ATP2B2: variants seen among roughly 807,000 people sequenced by gnomAD.
The protein encoded by ATP2B2 is ATPase plasma membrane Ca2+ transporting 2.
A neutral mutation model predicts 120.0 loss-of-function variants in ATP2B2; 15 were observed. The observed-to-expected ratio is 0.12, with a 90% confidence interval of 0.08 to 0.19. The LOEUF is 0.19. ATP2B2 is among the 10% of genes least tolerant of loss of function. The pLI, the probability that ATP2B2 is intolerant of heterozygous loss-of-function variation, is 1.00. For missense variants in ATP2B2, 1,045 were observed against 1,719.8 expected (o/e 0.61, Z 6.94); for synonymous variants, 694 against 700.3 (o/e 0.99, Z 0.14).
chr3:10,463,592 T>C (rs2064595759), intron 1 of ATP2B2, among the ~76,000 whole-genome samples: 1 of 152,166 alleles, frequency 6.6e-6, no homozygotes, highest in African/African-American at 2.4e-5. Context: ...GGTCACGTAA[T>C]TGTTGGATTG....
At chr3:10,331,830 G>C in intron 22 of ATP2B2, 1 of 644,058 alleles carries the variant, frequency 1.6e-6, no homozygotes. Context: ...GGAACAGGGA[G>C]ACCCATGCCC....
At chr3:10,577,481 C>T (rs2068280309) in intron 2 of ATP2B2, among the ~76,000 whole-genome samples, 1 of 152,212 alleles carries the variant, frequency 6.6e-6, no homozygotes, top group South Asian at 2.1e-4. Context: ...CCAAGGCCAT[C>T]AGGGGATCCC....
intron 2 of ATP2B2, among the ~76,000 whole-genome samples, chr3:10,576,092 C>T (rs542910533): frequency 6.6e-6 from 1 of 152,326 alleles, no homozygotes; most frequent in East Asian, 1.9e-4. Context: ...TGCCTAGGCC[C>T]TACAGCTAGT....
chr3:10,616,911 T>G (rs2069404362), intron 2 of ATP2B2, among the ~76,000 whole-genome samples: 2 of 152,248 alleles, frequency 1.3e-5, no homozygotes, highest in South Asian at 4.1e-4. Flanking sequence ...TACTTCTGTT[T>G]TTGTCTACCT....
chr3:10,568,593 G>C (rs2068059223), intron 2 of ATP2B2, among the ~76,000 whole-genome samples: 1 of 152,190 alleles, frequency 6.6e-6, no homozygotes, highest in Non-Finnish European at 1.5e-5. Flanking sequence ...AGCTATTTAT[G>C]GTTTTCACTG....
At chr3:10,506,745 CAG>C (rs1396533055), upstream of ATP2B2, among the ~76,000 whole-genome samples, 3 of 152,118 alleles carry the variant, frequency 2.0e-5, no homozygotes, top group Non-Finnish European at 2.9e-5. Flanking sequence ...GCATGGGGGA[CAG>C]GGGCAGGGCT....
At chr3:10,471,974 G>A (rs899198547) in intron 1 of ATP2B2, among the ~76,000 whole-genome samples, 13 of 151,340 alleles carry the variant, frequency 8.6e-5, no homozygotes, top group East Asian at 7.8e-4. Context: ...CCAGCTACTC[G>A]GGAGGCTGAG....
intron 5 of ATP2B2, among the ~76,000 whole-genome samples, chr3:10,392,564 A>G (rs1488398498): frequency 1.3e-5 from 2 of 152,236 alleles, no homozygotes; most frequent in African/African-American, 2.4e-5. Context: ...ACAGGGGCAG[A>G]GGTGGGAACC....
At chr3:10,610,102 C>CACACAT (rs1553638991) in intron 2 of ATP2B2, among the ~76,000 whole-genome samples, 2 of 130,688 alleles carry the variant, frequency 1.5e-5, no homozygotes, top group African/African-American at 6.3e-5. Context: ...CACACACACA[C>CACACAT]ATATATACAC....
intron 3 of ATP2B2, among the ~76,000 whole-genome samples, chr3:10,512,464 G>GCGCGCGCGCGCACACACACACACACACA (rs749056818): frequency 7.3e-6 from 1 of 136,922 alleles, no homozygotes. Context: ...AAGTGTGTGC[G>GCGCGCGCGCGCACACACACACACACACA]CACACACACA....
At chr3:10,553,058 A>G (rs1014558771) in intron 2 of ATP2B2, among the ~76,000 whole-genome samples, 1 of 152,242 alleles carries the variant, frequency 6.6e-6, no homozygotes, top group Non-Finnish European at 1.5e-5. Context: ...CAATGGGAAT[A>G]TATTAAAATC....
intron 3 of ATP2B2, among the ~76,000 whole-genome samples, chr3:10,517,510 A>C (rs1040868033): frequency 6.6e-6 from 1 of 152,240 alleles, no homozygotes; most frequent in East Asian, 1.9e-4. Flanking sequence ...CCTTCAGCCT[A>C]TAACACTATG....
At chr3:10,386,563 A>C (rs577634908) in intron 6 of ATP2B2, 51 bp from the exon 7 acceptor site, 12 of 1,602,644 alleles carry the variant, frequency 7.5e-6, no homozygotes, top group Non-Finnish European at 9.4e-6. Flanking sequence ...ACACAGCCTC[A>C]TCTGCCCATG....
At chr3:10,332,727 A>AC (rs1159309445) in intron 22 of ATP2B2, among the ~76,000 whole-genome samples, 1 of 151,656 alleles carries the variant, frequency 6.6e-6, no homozygotes, top group Non-Finnish European at 1.5e-5. Flanking sequence ...AGAATGAGGG[A>AC]CTCCGGAGTC....
intron 1 of ATP2B2, among the ~76,000 whole-genome samples, chr3:10,677,493 A>C (rs1190741165): frequency 6.6e-6 from 1 of 152,138 alleles, no homozygotes; most frequent in Non-Finnish European, 1.5e-5. Context: ...GTTGTTATAC[A>C]TTTGTCCAGA....
chr3:10,397,494 A>AAAAG (rs1215046569), intron 5 of ATP2B2, among the ~76,000 whole-genome samples: 2 of 152,152 alleles, frequency 1.3e-5, no homozygotes, highest in Non-Finnish European at 2.9e-5. Flanking sequence ...GTCACAGGCT[A>AAAAG]AAAGTGGGTC....
intron 1 of ATP2B2, among the ~76,000 whole-genome samples, chr3:10,636,213 G>A (rs1313468658): frequency 1.3e-5 from 2 of 152,250 alleles, no homozygotes; most frequent in African/African-American, 4.8e-5. Context: ...ATGACATGCC[G>A]CTTCACTCAC....
intron 11 of ATP2B2, 147 bp from the exon 12 acceptor site, chr3:10,372,198 G>T: frequency 1.7e-6 from 2 of 1,152,020 alleles, no homozygotes; most frequent in Non-Finnish European, 2.5e-6. Context: ...AAGGATCTTG[G>T]TTGCTGCTGC....
rs2059926425 is a variant in ATP2B2 at position 10,329,613 on chromosome 3, A to G, written c.3421-488T>C. Among the ~76,000 whole-genome samples, 1 of 152,190 alleles carries G rather than the reference A, an allele frequency of 6.6e-6. No homozygotes were observed. The highest frequency in any genetic ancestry group is 2.4e-5 in the African/African-American group (1 of 41,440). ...GAAACCATACAACATGGAACATGTT[A>G]CGTGTCACAAACAGAAAAGGCACAG... is the stretch of plus-strand genomic sequence containing the variant. On this transcript the variant is annotated intron_variant, in intron 22 of 22. Transcript: ENST00000360273. The surrounding 1 kb of genome is among the most constrained non-coding windows in gnomAD (Gnocchi z 5.9).
Sources: gnomAD v4.1 joint callset for allele counts (sites outside exome capture counted in the v4.1 genomes callset) on GRCh38, gnomAD v4.1.1 for gene constraint, Gnocchi (gnomAD v3.1) non-coding constraint, MANE v1.5 for transcripts, NCBI Gene and HGNC (gene_info 2026-07-23, HGNC 2026-07-21) for gene names.